Variants in IFT46 observed in about 807,000 individuals in gnomAD.
IFT46 encodes intraflagellar transport 46.
IFT46 carries 19 observed loss-of-function variants against 39.6 expected under a neutral mutation model. That is an observed-to-expected ratio of 0.48 (90% confidence interval 0.33 to 0.70). The LOEUF (loss-of-function observed/expected upper bound fraction) is 0.70, where lower values mean the gene tolerates loss of function less well. IFT46 is among the 30% of genes least tolerant of loss of function. The probability of loss-of-function intolerance (pLI) is 0.01; values close to 1 mark genes in which losing one functional copy is unlikely to be tolerated. For missense variants in IFT46, 334 were observed against 364.8 expected, an observed-to-expected ratio of 0.92 and a Z score of 0.69; for synonymous variants, 117 against 134.8, an observed-to-expected ratio of 0.87 and a Z score of 0.91.
intron 9 of IFT46, among the ~76,000 whole-genome samples, chr11:118,549,142 G>A (rs534098288): frequency 6.7e-6 from 1 of 150,158 alleles, no homozygotes; most frequent in Non-Finnish European, 1.5e-5. Flanking sequence ...CAGGTGATGC[G>A]CCCACCTCAG....
At chr11:118,574,171 A>G (rs782313378), upstream of IFT46, among the ~76,000 whole-genome samples, 1 of 152,004 alleles carries the variant, frequency 6.6e-6, no homozygotes, top group Non-Finnish European at 1.5e-5. Context: ...CATATTTCTG[A>G]ATTATTTGGG....
intron 1 of IFT46, among the ~76,000 whole-genome samples, chr11:118,571,254 A>T (rs1282140288): frequency 6.6e-6 from 1 of 152,208 alleles, no homozygotes; most frequent in African/African-American, 2.4e-5. Flanking sequence ...AGGTTCATCC[A>T]TATTGTAGCA....
At position 118,572,356 on chromosome 11, in the gene IFT46, C is replaced by CCCCCCCCCCCTT; in HGVS notation, c.-133+239_-133+240insAAGGGGGGGGGG. On this transcript the variant is annotated intron_variant, in intron 1 of 5. Coordinates refer to the IFT46 transcript ENST00000528378. Reference sequence around the variant, plus strand: ...CCCAGCCCACAGGCCCCGCCCCCCCCCCCGCCCTTTGACCTGCGCCGCTTC... The same window carrying CCCCCCCCCCCTT: ...CCCAGCCCACAGGCCCCGCCCCCCCCCCCCCCCCCCTTCCCGCCCTTTGACCTGCGCCGCTTC... 1.3e-5 allele frequency: 2 copies of CCCCCCCCCCCTT among 152,140 alleles called. 1 individual carries two copies. The highest frequency in any genetic ancestry group is 2.9e-5 in the Non-Finnish European group (2 of 69,872). The allele number at this position is 152,140 out of a possible 1,614,324, so 9.4% of individuals were successfully genotyped here.
chr11:118,559,455 C>T (rs1937954389), intron 3 of IFT46, among the ~76,000 whole-genome samples: 1 of 152,144 alleles, frequency 6.6e-6, no homozygotes. Context: ...AATTCCCAGG[C>T]TTTTACTTTT....
intron 8 of IFT46, 21 bp downstream of exon 8, chr11:118,552,193 A>G (rs1937663753): frequency 1.9e-6 from 3 of 1,613,682 alleles, no homozygotes; most frequent in Non-Finnish European, 2.5e-6. Context: ...TTACTGTTGC[A>G]AAGAATGTGG....
At chr11:118,575,411 G>GGTGTGTGTGTGTGTGTGTGTGT (rs56934953), upstream of IFT46, among the ~76,000 whole-genome samples, 53 of 149,186 alleles carry the variant, frequency 3.6e-4, no homozygotes, top group African/African-American at 1.3e-3. Context: ...ACTGATAACG[G>GGTGTGTGTGTGTGTGTGTGTGT]GTGTGTGTGT....
chr11:118,545,604 TG>T (rs1565342558), intron 10 of IFT46, 110 bp from the exon 11 acceptor site: 2 of 1,114,424 alleles, frequency 1.8e-6, no homozygotes, highest in Non-Finnish European at 1.3e-6. Flanking sequence ...GCTATGACTT[TG>T]GGGGTTAAAT....
intron 3 of IFT46, among the ~76,000 whole-genome samples, chr11:118,558,204 A>G (rs1386227118): frequency 2.6e-5 from 4 of 152,252 alleles, no homozygotes; most frequent in Admixed American, 2.0e-4. Flanking sequence ...TTATTAGTAT[A>G]TGACTGATAA....
At chr11:118,568,333 A>T (rs12224844), upstream of IFT46, among the ~76,000 whole-genome samples, 25,078 of 151,986 alleles carry the variant, frequency 0.17, 2,640 homozygotes, top group East Asian at 0.53. Context: ...GTGGATCACC[A>T]GAGGTCAAGA....
chr11:118,545,338 G>T, intron 11 of IFT46, 71 bp downstream of exon 11: 1 of 1,131,586 alleles, frequency 8.8e-7, no homozygotes, highest in Non-Finnish European at 1.3e-6. Context: ...TGCAATCACA[G>T]CAGGCTCAGA....
rs1937783988 is a variant in IFT46, at chr11:118,555,076, G to A, written c.268C>T (p.Pro90Ser). 6.2e-7 allele frequency: 1 copy of A among 1,612,386 alleles called. No individual in the cohort carries two copies. Among genetic ancestry groups the A allele is most frequent in the African/African-American group, 1.3e-5 (1 of 74,886 alleles). ...TTGTGGTCCAGGTCAATCAACTGAG[G>A]TGTGTACCTAGGAGATATTGCCAAG... ...ELFQYISRYT[P>S]QLIDLDHKLK... Residue 90 changes from proline to serine, a missense_variant, in exon 6 of 12, where the codon CCT becomes TCT. By Grantham distance (74) the Pro-to-Ser change is moderately conservative. Transcript: ENST00000264021.
At chr11:118,575,348 T>A (rs1938468081), upstream of IFT46, among the ~76,000 whole-genome samples, 1 of 152,096 alleles carries the variant, frequency 6.6e-6, no homozygotes, top group South Asian at 2.1e-4. Context: ...TTCTCTTGAG[T>A]TTCCATTGAT....
chr11:118,544,803 CCT>C lies in IFT46; in HGVS notation c.*111_*112del, dbSNP rs1251509431. The C allele has an allele frequency of 5.3e-6, 4 of 753,628 alleles. No individual in the cohort carries two copies. The highest frequency in any genetic ancestry group is 1.7e-5 in the African/African-American group (1 of 58,156). 46.7% of individuals were successfully genotyped at this position (753,628 alleles called of 1,614,324 possible). On this transcript the variant is annotated 3_prime_UTR_variant, in exon 12 of 12. Transcript: ENST00000264021. ...AGAGGGCAGCAGGACATGCACTGCC[CCT>C]GAGCCAAGCTGTGGCATGGGCAAGG...
chr11:118,561,439 A>T, intron 2 of IFT46: 1 of 801,524 alleles, frequency 1.2e-6, no homozygotes, highest in Non-Finnish European at 2.2e-6. Flanking sequence ...GAGAGAATCC[A>T]GTCTATGAAA....
chr11:118,569,772 C>G (rs527722183), upstream of IFT46, among the ~76,000 whole-genome samples: 18 of 152,294 alleles, frequency 1.2e-4, no homozygotes, highest in African/African-American at 4.1e-4. Flanking sequence ...ATGAGATAAT[C>G]TGTGTGAAGT....
chr11:118,576,447 A>AC (rs1250280162), upstream of IFT46, among the ~76,000 whole-genome samples: 4 of 148,486 alleles, frequency 2.7e-5, no homozygotes, highest in Non-Finnish European at 5.9e-5. Context: ...AAAAAAAAAA[A>AC]AACCAAAAAC....
intron 1 of IFT46, chr11:118,572,332 C>G: frequency 2.1e-6 from 1 of 484,928 alleles, no homozygotes; most frequent in Middle Eastern, 5.5e-4. Context: ...CTCAATTTCC[C>G]CAGCCCACAG....
intron 5 of IFT46, 70 bp downstream of exon 5, chr11:118,555,178 A>G: frequency 1.9e-6 from 3 of 1,543,980 alleles, no homozygotes; most frequent in Non-Finnish European, 2.7e-6. Context: ...GCCCTGTTTC[A>G]GACTAGAGAT....
upstream of IFT46, among the ~76,000 whole-genome samples, chr11:118,567,391 A>G (rs1555071681): frequency 6.6e-6 from 1 of 152,138 alleles, no homozygotes; most frequent in Admixed American, 6.5e-5. Flanking sequence ...CCTGACCAAC[A>G]TGGTGAAACC....
Sources: gnomAD v4.1 joint callset for allele counts (sites outside exome capture counted in the v4.1 genomes callset) on GRCh38, gnomAD v4.1.1 for gene constraint, MANE v1.5 for transcripts, NCBI Gene and HGNC (gene_info 2026-07-23, HGNC 2026-07-21) for gene names.